The following ESRRG variants were observed in gnomAD, a reference collection of about 807,000 sequenced individuals.
ESRRG encodes the protein estrogen related receptor gamma.
ESRRG carries 13 observed loss-of-function variants against 44.0 expected under a neutral mutation model. The observed-to-expected ratio is 0.30, with a 90% CI of 0.19 to 0.47. The LOEUF is 0.47. Among genes scored for constraint, ESRRG ranks in the 20% least tolerant of loss-of-function variants. The pLI, the probability that ESRRG is intolerant of heterozygous loss-of-function variation, is 1.00. For synonymous variants in ESRRG, 215 were observed against 214.6 expected (o/e 1.00, Z -0.02); for missense variants, 395 against 580.6 (o/e 0.68, Z 3.29).
intron 1 of ESRRG, among the ~76,000 whole-genome samples, chr1:216,698,518 CAAAAA>C (rs34454248): frequency 1.4e-5 from 1 of 73,914 alleles, no homozygotes; most frequent in African/African-American, 5.9e-5. Context: ...GACTCAGTCT[CAAAAA>C]AAAAAAAAAA....
chr1:216,751,223 G>A (rs1433525449), intron 2 of ESRRG, among the ~76,000 whole-genome samples: 3 of 152,046 alleles, frequency 2.0e-5, no homozygotes, highest in African/African-American at 7.2e-5. Flanking sequence ...GAAGTTCTTT[G>A]GAAACTATGA....
rs148894430 is a variant in ESRRG, at chr1:216,778,322, G to T, written c.-13-100831C>A. 2.1e-3 allele frequency among the ~76,000 whole-genome samples: 317 copies of T among 152,068 alleles called. 1 individual carries two copies. The highest frequency in any genetic ancestry group is 5.6e-3 in the East Asian group (29 of 5,150). On this transcript the variant is annotated intron_variant, in intron 2 of 7. Coordinates refer to the ESRRG transcript ENST00000359162. ...CTTGAGACAAGAGAGCTGGTCCTTT[G>T]TACCTCTACTTAGATCAGTCATTAG...
At chr1:216,915,681 A>G (rs959530831) in intron 2 of ESRRG, among the ~76,000 whole-genome samples, 3 of 152,230 alleles carry the variant, frequency 2.0e-5, no homozygotes, top group Admixed American at 6.5e-5. Context: ...GCAAGGCTGC[A>G]TCTACTGAAG....
intron 4 of ESRRG, among the ~76,000 whole-genome samples, chr1:216,567,064 AC>A (rs917578904): frequency 6.6e-6 from 1 of 152,128 alleles, no homozygotes; most frequent in African/African-American, 2.4e-5. Flanking sequence ...ATCAAAAATT[AC>A]CCATGTCTTT....
chr1:216,974,476 A>G (rs568132557), intron 1 of ESRRG, among the ~76,000 whole-genome samples: 136 of 152,324 alleles, frequency 8.9e-4, no homozygotes, highest in Non-Finnish European at 1.6e-3. Flanking sequence ...TAGCAACAAA[A>G]AGATCTCAAC....
At chr1:217,069,332 G>A (rs576897223) in intron 1 of ESRRG, among the ~76,000 whole-genome samples, 8 of 151,988 alleles carry the variant, frequency 5.3e-5, no homozygotes, top group African/African-American at 1.2e-4. Flanking sequence ...AGCCTATTGC[G>A]GGACCTTGTG....
intron 2 of ESRRG, among the ~76,000 whole-genome samples, chr1:216,751,010 C>A (rs2091955461): frequency 6.6e-6 from 1 of 152,098 alleles, no homozygotes; most frequent in South Asian, 2.1e-4. Flanking sequence ...GCACTGCTAC[C>A]CGCTCTCATC....
At chr1:216,686,376 T>C (rs1342487266) in intron 1 of ESRRG, among the ~76,000 whole-genome samples, 4 of 146,316 alleles carry the variant, frequency 2.7e-5, no homozygotes, top group Admixed American at 2.1e-4. Flanking sequence ...TCTGCATATA[T>C]ATTTAATTCA....
intron 1 of ESRRG, among the ~76,000 whole-genome samples, chr1:216,687,406 C>T (rs951140309): frequency 6.6e-6 from 1 of 152,150 alleles, no homozygotes; most frequent in Non-Finnish European, 1.5e-5. Flanking sequence ...ATTTGACTGC[C>T]AGTAGGAAGC....
chr1:216,602,366 C>T (rs1283634356), intron 3 of ESRRG, among the ~76,000 whole-genome samples: 1 of 152,030 alleles, frequency 6.6e-6, no homozygotes, highest in East Asian at 1.9e-4. Context: ...AAACATAATG[C>T]GAAAAATAAA....
intron 1 of ESRRG, among the ~76,000 whole-genome samples, chr1:217,076,051 G>A (rs532450062): frequency 6.8e-4 from 103 of 152,288 alleles, no homozygotes; most frequent in Non-Finnish European, 1.1e-3. Flanking sequence ...GGAGTTAAAA[G>A]AGCCATTATC....
intron 1 of ESRRG, among the ~76,000 whole-genome samples, chr1:217,082,933 C>T (rs2151518934): frequency 6.6e-6 from 1 of 152,254 alleles, no homozygotes; most frequent in East Asian, 1.9e-4. Flanking sequence ...TCTAAGAATC[C>T]CTTTCAGATA....
chr1:216,939,470 A>T (rs1228959203), intron 2 of ESRRG: 2 of 152,082 alleles, frequency 1.3e-5, no homozygotes, highest in African/African-American at 4.8e-5. Flanking sequence ...CCACAATAGT[A>T]GTCAAAGATG....
At chr1:216,758,574 G>A (rs920281878) in intron 2 of ESRRG, among the ~76,000 whole-genome samples, 4 of 151,716 alleles carry the variant, frequency 2.6e-5, no homozygotes, top group African/African-American at 9.7e-5. Flanking sequence ...TTTTTAAAGC[G>A]ACTCAAAGTC....
intron 2 of ESRRG, among the ~76,000 whole-genome samples, chr1:216,923,677 A>G (rs1475404796): frequency 6.6e-6 from 1 of 152,224 alleles, no homozygotes; most frequent in Admixed American, 6.5e-5. Context: ...GGACAGCATC[A>G]TTCCATCAAC....
intron 1 of ESRRG, among the ~76,000 whole-genome samples, chr1:217,008,045 T>G (rs546712350): frequency 6.6e-6 from 1 of 152,206 alleles, no homozygotes; most frequent in Non-Finnish European, 1.5e-5. Context: ...TATGCTCAAA[T>G]GTATCCTAAA....
chr1:216,756,435 C>A (rs1201524448), intron 2 of ESRRG, among the ~76,000 whole-genome samples: 1 of 151,930 alleles, frequency 6.6e-6, no homozygotes, highest in African/African-American at 2.4e-5. Context: ...ACTCATTTTT[C>A]TCTGCATATC....
intron 2 of ESRRG, among the ~76,000 whole-genome samples, chr1:216,821,778 A>C (rs2095302466): frequency 6.6e-6 from 1 of 151,412 alleles, no homozygotes; most frequent in Non-Finnish European, 1.5e-5. Flanking sequence ...ACATTTAAAA[A>C]ATTTTAAAAA....
intron 2 of ESRRG, among the ~76,000 whole-genome samples, chr1:216,739,211 C>T (rs1033293256): frequency 6.6e-6 from 1 of 151,186 alleles, no homozygotes. Flanking sequence ...TATAAATAAT[C>T]CCGACACTGA....
Sources: gnomAD v4.1 joint callset for allele counts (sites outside exome capture counted in the v4.1 genomes callset) on GRCh38, gnomAD v4.1.1 for gene constraint, MANE v1.5 for transcripts, NCBI Gene and HGNC (gene_info 2026-07-23, HGNC 2026-07-21) for gene names.